Variants in PCDHA1 observed in about 807,000 individuals in gnomAD.
PCDHA1 encodes protocadherin alpha-1.
A neutral mutation model predicts 61.3 loss-of-function variants in PCDHA1; 42 were observed. The observed-to-expected ratio is 0.69, with a 90% CI of 0.54 to 0.89. The LOEUF (loss-of-function observed/expected upper bound fraction) is 0.89. PCDHA1 is among the 40% of genes least tolerant of loss of function. The pLI is 0.00. For synonymous variants in PCDHA1, 610 were observed against 553.8 expected, an observed-to-expected ratio of 1.10 and a Z score of -1.43; for missense variants, 1,256 against 1,235.3, an observed-to-expected ratio of 1.02 and a Z score of -0.25.
intron 1 of PCDHA1, chr5:140,967,191 A>G (rs781981464): frequency 6.2e-7 from 1 of 1,613,532 alleles, no homozygotes; most frequent in Non-Finnish European, 8.5e-7. Flanking sequence ...TTGGACATCA[A>G]CGACAACTCA....
In PCDHA1 at chr5:140,952,330, C is replaced by A. The variant is rs564242872; in HGVS notation, c.2395-26619C>A. On this transcript the variant is annotated intron_variant, in intron 1 of 3. Transcript: ENST00000504120. ...TCCAGCCTGGGCAACAAGAGTGAAACTCCATCTCAAAAAAAAAAAAAAAAG... is the reference window on the plus strand; with the variant it reads ...TCCAGCCTGGGCAACAAGAGTGAAAATCCATCTCAAAAAAAAAAAAAAAAG... Among the ~76,000 whole-genome samples the A allele has an allele frequency of 2.2e-4, 26 of 120,342 alleles. No individual in the cohort carries two copies. The South Asian group carries it at 3.3e-3, about 15-fold the overall frequency. The allele number at this position is 120,342 out of a possible 152,430, so 78.9% of individuals were successfully genotyped here. A position where few individuals can be genotyped will look rare whatever the true frequency, so the allele number is the denominator to read the frequency against.
intron 1 of PCDHA1, chr5:140,829,979 G>A (rs2150179079): frequency 5.6e-6 from 9 of 1,614,004 alleles, no homozygotes; most frequent in Non-Finnish European, 7.6e-6. Flanking sequence ...GTACACGGGC[G>A]AGATCAGCAC....
chr5:140,952,113 G>T (rs2094688731), intron 1 of PCDHA1, among the ~76,000 whole-genome samples: 1 of 151,990 alleles, frequency 6.6e-6, no homozygotes. Flanking sequence ...TCGTGTGAGG[G>T]ATGGGCTCCC....
At chr5:140,796,218 G>T (rs1298464946) in intron 1 of PCDHA1, 3 of 1,614,092 alleles carry the variant, frequency 1.9e-6, no homozygotes, top group Non-Finnish European at 2.5e-6. Flanking sequence ...GCGAGAGCGT[G>T]TCAGCCTATG....
At chr5:140,822,352 C>A in intron 1 of PCDHA1, 1 of 1,614,074 alleles carries the variant, frequency 6.2e-7, no homozygotes, top group Non-Finnish European at 8.5e-7. Context: ...CTTTTTAGAG[C>A]TGGTTTTGAG....
intron 1 of PCDHA1, chr5:140,823,211 G>T (rs2150123519): frequency 1.2e-6 from 2 of 1,613,796 alleles, no homozygotes; most frequent in Non-Finnish European, 1.7e-6. Flanking sequence ...GTGTCTGCAC[G>T]GGACGCGGAC....
intron 1 of PCDHA1, chr5:140,828,882 T>C (rs1187191951): frequency 3.7e-6 from 6 of 1,614,110 alleles, no homozygotes; most frequent in Non-Finnish European, 5.1e-6. Context: ...GTTATCAGAC[T>C]GAATGCTTCT....
At chr5:140,992,201 CAG>C (rs1587495213) in intron 3 of PCDHA1, among the ~76,000 whole-genome samples, 1 of 152,256 alleles carries the variant, frequency 6.6e-6, no homozygotes, top group East Asian at 1.9e-4. Context: ...TCTATCCAAT[CAG>C]ATAAACTACT....
intron 1 of PCDHA1, chr5:140,883,595 G>C: frequency 6.2e-7 from 1 of 1,614,036 alleles, no homozygotes; most frequent in Non-Finnish European, 8.5e-7. Flanking sequence ...CAGCGTGTCG[G>C]TGGGGGTGGC....
At chr5:140,959,506 A>G (rs1554224114) in intron 1 of PCDHA1, among the ~76,000 whole-genome samples, 6 of 152,226 alleles carry the variant, frequency 3.9e-5, no homozygotes. Flanking sequence ...AAACTAAAAA[A>G]TTTTAAGATC....
intron 2 of PCDHA1, among the ~76,000 whole-genome samples, chr5:140,980,115 G>A (rs1263722649): frequency 6.6e-6 from 1 of 152,142 alleles, no homozygotes; most frequent in African/African-American, 2.4e-5. Flanking sequence ...ATTGGAACCT[G>A]GGTCATAATT....
In PCDHA1 at chr5:140,978,905, T is replaced by C. The variant is rs782532288; in HGVS notation, c.2395-44T>C. 9 of 1,613,632 alleles carry C rather than the reference T, an allele frequency of 5.6e-6. No homozygotes were observed. In the South Asian group the frequency reaches 9.9e-5, roughly 18 times the overall value. On this transcript the variant is annotated intron_variant, in intron 1 of 3. Coordinates refer to ENST00000504120, the MANE Select transcript of PCDHA1 (RefSeq NM_018900.4). ...AATTAGCAGCATTCCTGGGAGAACA[T>C]TGTCTTGTCATTTTAACAGAAAACT...
At chr5:140,927,741 C>T (rs782292892) in intron 1 of PCDHA1, 1 of 1,614,244 alleles carries the variant, frequency 6.2e-7, no homozygotes, top group East Asian at 2.2e-5. Flanking sequence ...TGCGACACCG[C>T]TTTCACGTGC....
chr5:140,795,865 G>A, intron 1 of PCDHA1: 1 of 1,613,946 alleles, frequency 6.2e-7, no homozygotes, highest in Non-Finnish European at 8.5e-7. Flanking sequence ...CATCTCAGGG[G>A]AAATCAGAAC....
chr5:140,880,747 T>C (rs555658670), intron 1 of PCDHA1, among the ~76,000 whole-genome samples: 16 of 152,334 alleles, frequency 1.1e-4, no homozygotes, highest in African/African-American at 3.8e-4. Context: ...GGATTGTCAG[T>C]GTAACTGCGT....
At chr5:140,871,299 G>C (rs782459625) in intron 1 of PCDHA1, 1 of 1,613,916 alleles carries the variant, frequency 6.2e-7, no homozygotes, top group Non-Finnish European at 8.5e-7. Context: ...GCGCGTGCGC[G>C]CCGGGGAAGC....
intron 1 of PCDHA1, among the ~76,000 whole-genome samples, chr5:140,940,306 T>C (rs2092590981): frequency 6.6e-6 from 1 of 152,200 alleles, no homozygotes; most frequent in Non-Finnish European, 1.5e-5. Context: ...TAATTTATTA[T>C]CTTTCTTCCA....
At chr5:140,792,205 C>T (rs6870764) in intron 1 of PCDHA1, among the ~76,000 whole-genome samples, 78,343 of 151,854 alleles carry the variant, frequency 0.52, 20,405 homozygotes, top group Middle Eastern at 0.64. Context: ...AGCATAACTC[C>T]AGTTCCTGCC....
chr5:140,889,400 A>T (rs187751360), intron 1 of PCDHA1, among the ~76,000 whole-genome samples: 1 of 152,050 alleles, frequency 6.6e-6, no homozygotes, highest in Admixed American at 6.5e-5. Context: ...AGTTTAATTT[A>T]CTCGAGTCAG....
Sources: gnomAD v4.1 joint callset for allele counts (sites outside exome capture counted in the v4.1 genomes callset) on GRCh38, gnomAD v4.1.1 for gene constraint, MANE v1.5 for transcripts, NCBI Gene and HGNC (gene_info 2026-07-23, HGNC 2026-07-21) for gene names.